Variants in ARHGAP24 observed in about 807,000 individuals in gnomAD.
ARHGAP24 encodes the protein rho GTPase-activating protein 24.
In ARHGAP24, 50 loss-of-function variants were observed where a neutral mutation model predicts 76.4. The ratio of observed to expected loss-of-function variants is 0.65; its 90% CI spans 0.52 to 0.83. ARHGAP24 has a LOEUF of 0.83. Among genes scored for constraint, ARHGAP24 ranks in the 40% least tolerant of loss-of-function variants. ARHGAP24 has a pLI of 0.00. For missense variants in ARHGAP24, 930 were observed against 914.2 expected, an observed-to-expected ratio of 1.02 and a Z score of -0.22; for synonymous variants, 345 against 323.3, an observed-to-expected ratio of 1.07 and a Z score of -0.72.
At chr4:85,704,839 T>C (rs982158252) in intron 2 of ARHGAP24, among the ~76,000 whole-genome samples, 2 of 152,154 alleles carry the variant, frequency 1.3e-5, no homozygotes, top group Non-Finnish European at 2.9e-5. Flanking sequence ...TTTTTGAATG[T>C]ATAAGCAACC....
intron 2 of ARHGAP24, among the ~76,000 whole-genome samples, chr4:85,587,901 C>T (rs1727925774): frequency 2.6e-5 from 4 of 152,202 alleles, no homozygotes; most frequent in African/African-American, 9.6e-5. Flanking sequence ...AAGTAACCTA[C>T]TATGAGGAAA....
intron 3 of ARHGAP24, among the ~76,000 whole-genome samples, chr4:85,792,757 T>C (rs982869586): frequency 5.3e-5 from 8 of 152,188 alleles, no homozygotes; most frequent in African/African-American, 1.9e-4. Flanking sequence ...GTTTTAGAAA[T>C]CTGAGATCAT....
intron 3 of ARHGAP24, among the ~76,000 whole-genome samples, chr4:85,777,848 T>G (rs1404042090): frequency 6.6e-6 from 1 of 152,202 alleles, no homozygotes; most frequent in Non-Finnish European, 1.5e-5. Context: ...CATCACTCTT[T>G]CAGTTAGAAA....
intron 2 of ARHGAP24, among the ~76,000 whole-genome samples, chr4:85,714,351 A>T (rs1724653974): frequency 6.6e-6 from 1 of 152,204 alleles, no homozygotes; most frequent in Non-Finnish European, 1.5e-5. Flanking sequence ...TTAGTCTCCT[A>T]GGATCTGAAT....
At chr4:85,884,826 A>C (rs1733469390) in intron 3 of ARHGAP24, among the ~76,000 whole-genome samples, 1 of 152,166 alleles carries the variant, frequency 6.6e-6, no homozygotes, top group African/African-American at 2.4e-5. Flanking sequence ...TTGTTGCATC[A>C]ACTAAAATTG....
intron 1 of ARHGAP24, among the ~76,000 whole-genome samples, chr4:85,564,555 T>A (rs55639414): frequency 0.27 from 40,792 of 148,548 alleles, 5,879 homozygotes; most frequent in African/African-American, 0.36. Flanking sequence ...AAAAAAAAAT[T>A]AAAAAAAAAA....
At chr4:85,796,471 T>A (rs560916824) in intron 3 of ARHGAP24, among the ~76,000 whole-genome samples, 5 of 152,118 alleles carry the variant, frequency 3.3e-5, no homozygotes, top group African/African-American at 9.6e-5. Context: ...CAAGCCAACA[T>A]CAGCAAAAAA....
intron 3 of ARHGAP24, among the ~76,000 whole-genome samples, chr4:85,845,828 A>C (rs1730852271): frequency 6.6e-6 from 1 of 152,244 alleles, no homozygotes; most frequent in Admixed American, 6.5e-5. Context: ...CTAAATAGAA[A>C]ACAATTCAAA....
chr4:86,001,387 G>A lies in ARHGAP24; in HGVS notation c.*665G>A. The A allele has an allele frequency of 2.5e-6, 1 of 399,010 alleles. No individual in the cohort carries two copies. 24.7% of individuals were successfully genotyped at this position (399,010 alleles called of 1,614,324 possible). A position where few individuals can be genotyped will look rare whatever the true frequency, so the allele number is the denominator to read the frequency against. On this transcript the variant is annotated 3_prime_UTR_variant, in exon 10 of 10. Transcript: ENST00000395184. The stretch of plus-strand genomic sequence containing the variant: ...TGCTTTTGCGAGGCGATTTGACATA[G>A]GAACTTTGAGACTCCATGAGAAAGT...
intron 4 of ARHGAP24, among the ~76,000 whole-genome samples, chr4:85,936,050 T>A (rs1736615667): frequency 6.6e-6 from 1 of 152,204 alleles, no homozygotes; most frequent in South Asian, 2.1e-4. Flanking sequence ...AATGGATGTA[T>A]TTTACTTTGA....
At chr4:85,546,816 T>G (rs1459259060) in intron 1 of ARHGAP24, among the ~76,000 whole-genome samples, 2 of 152,214 alleles carry the variant, frequency 1.3e-5, no homozygotes, top group African/African-American at 2.4e-5. Flanking sequence ...TTTGCACTTA[T>G]AGAAAAGTTA....
chr4:85,626,420 G>A (rs10002160), intron 2 of ARHGAP24, among the ~76,000 whole-genome samples: 9,707 of 152,206 alleles, frequency 0.064, 1,029 homozygotes, highest in African/African-American at 0.22. Context: ...CTGGCTGATA[G>A]AGTTTCTGTC....
At position 85,626,091 on chromosome 4, in the gene ARHGAP24, G is replaced by A. The variant is rs187635439; in HGVS notation, c.180+55370G>A. On this transcript the variant is annotated intron_variant, in intron 2 of 9. Coordinates refer to ENST00000395184, the MANE Select transcript of ARHGAP24 (RefSeq NM_001025616.3). ...TTACATTTAAAGTTAATATTGTGAT[G>A]TGTGAATTTGATCCTGTCATTATGA... is the stretch of plus-strand genomic sequence containing the variant. 6.6e-3 allele frequency among the ~76,000 whole-genome samples: 1,009 copies of A among 152,308 alleles called. 9 individuals are homozygous for A. Among genetic ancestry groups the A allele is most frequent in the Non-Finnish European group, 0.011 (778 of 68,022 alleles).
intron 2 of ARHGAP24, among the ~76,000 whole-genome samples, chr4:85,613,647 A>G (rs2109998010): frequency 6.6e-6 from 1 of 152,322 alleles, no homozygotes; most frequent in African/African-American, 2.4e-5. Context: ...AATATTACCA[A>G]ACACCTAGCA....
intron 4 of ARHGAP24, among the ~76,000 whole-genome samples, chr4:85,938,027 C>G (rs760014225): frequency 1.3e-5 from 2 of 152,152 alleles, no homozygotes; most frequent in South Asian, 2.1e-4. Context: ...CAGCCTCTAG[C>G]TATTGGCTCT....
chr4:85,827,448 A>G (rs1016311012), intron 3 of ARHGAP24, among the ~76,000 whole-genome samples: 1 of 135,532 alleles, frequency 7.4e-6, no homozygotes, highest in African/African-American at 2.7e-5. Context: ...GAATAGCTAC[A>G]CTGAAGTCTG....
At chr4:85,804,043 C>T (rs534263380) in intron 3 of ARHGAP24, among the ~76,000 whole-genome samples, 21 of 151,912 alleles carry the variant, frequency 1.4e-4, no homozygotes, top group African/African-American at 4.3e-4. Flanking sequence ...CCTCCGCCTC[C>T]TGGGTTCAAG....
intron 4 of ARHGAP24, among the ~76,000 whole-genome samples, chr4:85,937,808 C>T (rs1736732353): frequency 6.6e-6 from 1 of 151,952 alleles, no homozygotes; most frequent in Non-Finnish European, 1.5e-5. Flanking sequence ...TTAACTGGGT[C>T]AAATATCAAA....
chr4:85,731,019 CACACACACAG>C lies in ARHGAP24; in HGVS notation c.268+9049_268+9058del, dbSNP rs776412134. 6.0e-3 allele frequency among the ~76,000 whole-genome samples: 802 copies of C among 133,692 alleles called. 10 individuals are homozygous for C. The highest frequency in any genetic ancestry group is 0.057 in the South Asian group (193 of 3,400). 87.7% of individuals were successfully genotyped at this position (133,692 alleles called of 152,430 possible). Reference sequence around the variant, plus strand: ...ACACACACACACACACACACACACACACACACACAGAGAGAGAGACTGGGCATGTGTGTGT... The same window carrying C: ...ACACACACACACACACACACACACACAGAGAGAGACTGGGCATGTGTGTGT... On this transcript the variant is annotated intron_variant, in intron 3 of 9. Coordinates refer to ENST00000395184, the MANE Select transcript of ARHGAP24 (RefSeq NM_001025616.3).
Sources: gnomAD v4.1 joint callset for allele counts (sites outside exome capture counted in the v4.1 genomes callset) on GRCh38, gnomAD v4.1.1 for gene constraint, MANE v1.5 for transcripts, NCBI Gene and HGNC (gene_info 2026-07-23, HGNC 2026-07-21) for gene names.